The following CPA6 variants were observed in gnomAD, a reference collection of about 807,000 sequenced individuals.
The protein encoded by CPA6 is carboxypeptidase A6.
In CPA6, 58 loss-of-function variants were observed where a neutral mutation model predicts 63.3. The observed-to-expected ratio is 0.92, with a 90% confidence interval of 0.74 to 1.14. The LOEUF (loss-of-function observed/expected upper bound fraction) is 1.14. CPA6 is among the 50% of genes most tolerant of loss of function. The pLI is 0.00. For synonymous variants in CPA6, 185 were observed against 179.0 expected, an observed-to-expected ratio of 1.03 and a Z score of -0.27; for missense variants, 565 against 526.6, an observed-to-expected ratio of 1.07 and a Z score of -0.71.
chr8:67,593,060 G>A (rs1202902282), intron 2 of CPA6, among the ~76,000 whole-genome samples: 2 of 149,650 alleles, frequency 1.3e-5, no homozygotes, highest in African/African-American at 2.5e-5. Context: ...CTTTGAATGT[G>A]TCCCAGAGAT....
intron 1 of CPA6, among the ~76,000 whole-genome samples, chr8:67,736,451 A>G (rs1817814297): frequency 6.6e-6 from 1 of 152,184 alleles, no homozygotes; most frequent in African/African-American, 2.4e-5. Flanking sequence ...TGATATCATG[A>G]ATGATGTCCT....
At chr8:67,521,018 T>C (rs1381680392) in intron 2 of CPA6, among the ~76,000 whole-genome samples, 1 of 152,238 alleles carries the variant, frequency 6.6e-6, no homozygotes, top group Non-Finnish European at 1.5e-5. Context: ...CCTTAGGGCC[T>C]GATCACATCT....
At chr8:67,479,505 T>G (rs548663616) in intron 8 of CPA6, among the ~76,000 whole-genome samples, 1 of 152,326 alleles carries the variant, frequency 6.6e-6, no homozygotes, top group East Asian at 1.9e-4. Flanking sequence ...CAGTTGATTT[T>G]CAGCAAAACT....
At chr8:67,694,594 GCCCATGGT>G (rs1816875774) in intron 1 of CPA6, among the ~76,000 whole-genome samples, 1 of 152,188 alleles carries the variant, frequency 6.6e-6, no homozygotes, top group South Asian at 2.1e-4. Context: ...TGGCTTAAAT[GCCCATGGT>G]CTCCACTCCT....
chr8:67,743,581 G>A (rs1440653745), intron 1 of CPA6, among the ~76,000 whole-genome samples: 4 of 152,062 alleles, frequency 2.6e-5, no homozygotes, highest in Non-Finnish European at 5.9e-5. Context: ...GTTTTTAAAT[G>A]ACCATTAATC....
At chr8:67,685,657 A>C (rs1816696150) in intron 1 of CPA6, among the ~76,000 whole-genome samples, 1 of 152,154 alleles carries the variant, frequency 6.6e-6, no homozygotes, top group Admixed American at 6.5e-5. Flanking sequence ...TAGAATTGCT[A>C]ACCACTGTGG....
chr8:67,703,874 C>T (rs1019567640), intron 1 of CPA6, among the ~76,000 whole-genome samples: 1 of 152,158 alleles, frequency 6.6e-6, no homozygotes, highest in Non-Finnish European at 1.5e-5. Flanking sequence ...AGTTTGTCTG[C>T]CTGCATAGGG....
intron 1 of CPA6, among the ~76,000 whole-genome samples, chr8:67,683,344 A>G (rs1056622373): frequency 1.3e-5 from 2 of 152,224 alleles, no homozygotes; most frequent in African/African-American, 2.4e-5. Flanking sequence ...GCCTCATCAT[A>G]TCACTTGACA....
chr8:67,639,480 C>A (rs1296215129), intron 1 of CPA6, among the ~76,000 whole-genome samples: 1 of 151,648 alleles, frequency 6.6e-6, no homozygotes. Context: ...GCTGCAGATG[C>A]TGGTATGGGC....
chr8:67,563,927 G>A (rs1813275026), intron 2 of CPA6, among the ~76,000 whole-genome samples: 1 of 152,090 alleles, frequency 6.6e-6, no homozygotes, highest in African/African-American at 2.4e-5. Flanking sequence ...TCCATATTTT[G>A]GGGTACGTGT....
intron 1 of CPA6, among the ~76,000 whole-genome samples, chr8:67,638,808 C>A (rs761528418): frequency 2.6e-5 from 4 of 151,474 alleles, no homozygotes; most frequent in Middle Eastern, 3.2e-3. Flanking sequence ...CAGTTTCTTT[C>A]ATTTCCTTGC....
rs1023936979 is a variant in CPA6, at chr8:67,604,863, C to T, written c.192+19313G>A. On this transcript the variant is annotated intron_variant, in intron 2 of 10. Transcript: ENST00000297770. ...TGCGGTCTCAGCTCACTGCAACCTCCACCTCCCGGGTTCAAGCGATTTTCC... is the reference window on the plus strand; with the variant it reads ...TGCGGTCTCAGCTCACTGCAACCTCTACCTCCCGGGTTCAAGCGATTTTCC... Among the ~76,000 whole-genome samples the T allele has an allele frequency of 2.6e-5, 4 of 152,218 alleles. No homozygotes were observed. The South Asian group carries it at 8.3e-4, about 32-fold the overall frequency.
intron 8 of CPA6, among the ~76,000 whole-genome samples, chr8:67,461,914 T>A (rs1178913883): frequency 1.3e-5 from 2 of 152,200 alleles, no homozygotes; most frequent in Non-Finnish European, 2.9e-5. Context: ...ACAAACAAAT[T>A]AAGCTGAATA....
intron 8 of CPA6, among the ~76,000 whole-genome samples, chr8:67,481,357 C>T (rs1239793020): frequency 6.6e-6 from 1 of 152,234 alleles, no homozygotes; most frequent in Non-Finnish European, 1.5e-5. Context: ...CTAGTTCCTA[C>T]CACTACTCTG....
chr8:67,482,210 G>A (rs1486765853), intron 8 of CPA6, among the ~76,000 whole-genome samples: 1 of 152,224 alleles, frequency 6.6e-6, no homozygotes, highest in Admixed American at 6.5e-5. Context: ...TGCTGCTAGA[G>A]TTACTCAGCT....
At chr8:67,669,901 T>C (rs560839457) in intron 1 of CPA6, among the ~76,000 whole-genome samples, 1 of 152,278 alleles carries the variant, frequency 6.6e-6, no homozygotes, top group African/African-American at 2.4e-5. Context: ...CTGATGATGA[T>C]TATAATCACT....
intron 1 of CPA6, among the ~76,000 whole-genome samples, chr8:67,644,181 C>T (rs894022491): frequency 6.6e-6 from 1 of 151,590 alleles, no homozygotes; most frequent in Non-Finnish European, 1.5e-5. Flanking sequence ...TGCAGTGGCG[C>T]CATTTCGGCT....
At position 67,434,147 on chromosome 8, in the gene CPA6, C is replaced by A. The variant is rs143321447; in HGVS notation, c.932G>T (p.Arg311Leu). The change falls in exon 9 of 11, where the codon CGA becomes CTA. Residue 311 changes from arginine to leucine, a missense_variant. Transcript: ENST00000297770. ...PEVKAVANFL[R>L]KHRKHIRAYL... ...AGCCCTAATGTGCTTTCTGTGTTTT[C>A]GAAGGAAGTTAGCTACAGCCTTCAC... 6.2e-7 allele frequency: 1 copy of A among 1,614,022 alleles called. No homozygotes were observed. Among genetic ancestry groups the A allele is most frequent in the African/African-American group, 1.3e-5 (1 of 75,028 alleles).
chr8:67,595,070 C>T (rs1195458195), intron 2 of CPA6, among the ~76,000 whole-genome samples: 2 of 152,014 alleles, frequency 1.3e-5, no homozygotes. Context: ...TGTGGATGTC[C>T]TTTCTGTTTG....
Sources: allele counts gnomAD v4.1 joint callset (sites outside exome capture counted in the v4.1 genomes callset), GRCh38; gene constraint gnomAD v4.1.1; transcripts MANE v1.5; gene names NCBI Gene and HGNC (gene_info 2026-07-23, HGNC 2026-07-21).